Variants in GYPE observed in about 807,000 individuals in gnomAD.
GYPE encodes the protein glycophorin-E.
In GYPE, 8 loss-of-function variants were observed where a neutral mutation model predicts 11.6. That is an observed-to-expected ratio of 0.69 (90% CI 0.41 to 1.25). The LOEUF is 1.25. Among genes scored for constraint, GYPE ranks in the 50% most tolerant of loss-of-function variants. The pLI is 0.01. For synonymous variants in GYPE, 28 were observed against 29.6 expected (o/e 0.94, Z 0.18); for missense variants, 90 against 92.8 (o/e 0.97, Z 0.12).
At chr4:143,882,665 T>G (rs1343734431) in intron 1 of GYPE, among the ~76,000 whole-genome samples, 1 of 152,176 alleles carries the variant, frequency 6.6e-6, no homozygotes, top group Non-Finnish European at 1.5e-5. Context: ...CAGCTGGAGC[T>G]CTCATCCTTC....
chr4:143,898,877 C>CTT (rs1457282558), intron 1 of GYPE, among the ~76,000 whole-genome samples: 1 of 151,446 alleles, frequency 6.6e-6, no homozygotes, highest in Admixed American at 6.6e-5. Flanking sequence ...CTTTTGTGGT[C>CTT]TTTTTCCTAG....
chr4:143,891,316 A>ATTTTTTTTTTTT lies in GYPE; in HGVS notation c.38-10808_38-10807insAAAAAAAAAAAA, dbSNP rs1174015133. On this transcript the variant is annotated intron_variant, in intron 1 of 3. Transcript: ENST00000358615. The stretch of plus-strand genomic sequence containing the variant: ...TCCACATGTTATTATTATTATTTTG[A>ATTTTTTTTTTTT]TTTTTTTTGTTTCTTTTTTTTTTTT... Among the ~76,000 whole-genome samples the ATTTTTTTTTTTT allele has an allele frequency of 1.2e-4, 2 of 16,050 alleles. 1 individual carries two copies. The allele number at this position is 16,050 out of a possible 152,430, so 10.5% of individuals were successfully genotyped here.
At chr4:143,876,443 G>A (rs1199818800) in intron 3 of GYPE, among the ~76,000 whole-genome samples, 1 of 152,084 alleles carries the variant, frequency 6.6e-6, no homozygotes, top group Non-Finnish European at 1.5e-5. Flanking sequence ...AATACTATAA[G>A]TAGCATCTTA....
intron 1 of GYPE, among the ~76,000 whole-genome samples, chr4:143,889,726 A>G (rs1204625020): frequency 1.3e-5 from 2 of 152,164 alleles, no homozygotes; most frequent in Admixed American, 1.3e-4. Flanking sequence ...CTGTATGTCT[A>G]AGATAATAAT....
At chr4:143,900,377 G>C (rs1429561047) in intron 1 of GYPE, among the ~76,000 whole-genome samples, 1 of 122,478 alleles carries the variant, frequency 8.2e-6, no homozygotes, top group Non-Finnish European at 1.7e-5. Context: ...GTGGAAAAGA[G>C]TTGAGCAGTT....
intron 1 of GYPE, among the ~76,000 whole-genome samples, chr4:143,896,556 G>T (rs1744647969): frequency 6.6e-6 from 1 of 152,168 alleles, no homozygotes. Flanking sequence ...TACATTGTTG[G>T]TGGGACTGTA....
rs538501475 is a variant in GYPE at position 143,880,093 on chromosome 4, A to C, written c.136+318T>G. The stretch of plus-strand genomic sequence containing the variant: ...CTGAGCCCGGGTCTGAGCTGAACTC[A>C]TTTTGCCCACAGACCCTCCGCACCA... On this transcript the variant is annotated intron_variant, in intron 2 of 3. Transcript: ENST00000358615. 3.3e-5 allele frequency among the ~76,000 whole-genome samples: 5 copies of C among 152,274 alleles called. No homozygotes were observed. In the East Asian group the frequency reaches 9.6e-4, roughly 29 times the overall value.
chr4:143,878,891 A>C (rs1743914015), intron 2 of GYPE, among the ~76,000 whole-genome samples: 1 of 152,242 alleles, frequency 6.6e-6, no homozygotes, highest in Admixed American at 6.5e-5. Context: ...CCCAACAAGT[A>C]TTCATGGATG....
rs1454868719 is a variant in GYPE at position 143,905,481 on chromosome 4, T to C, written c.27A>G (p.Leu9=). 1.2e-6 allele frequency: 2 copies of C among 1,613,178 alleles called. No individual in the cohort carries two copies. The highest frequency in any genetic ancestry group is 1.3e-5 in the African/African-American group (1 of 74,998). Residue 9 remains leucine, a synonymous_variant, in exon 1 of 4, where the codon TTA becomes TTG. Transcript: ENST00000358615. ...AATAAAATCACTTACCTGACAATAG[T>C]AATACAAAGATTATTTTTCCATACA... MYGKIIFV[L]LLSGIVSISA... is the part of the protein sequence containing the mutation.
intron 1 of GYPE, among the ~76,000 whole-genome samples, chr4:143,904,709 C>A (rs11735519): frequency 0.24 from 36,643 of 151,980 alleles, 5,491 homozygotes; most frequent in South Asian, 0.32. Flanking sequence ...CAACTGCCTG[C>A]CCCCTGTGTG....
chr4:143,903,868 CAG>C (rs1193749627), intron 1 of GYPE, among the ~76,000 whole-genome samples: 29 of 151,900 alleles, frequency 1.9e-4, no homozygotes, highest in African/African-American at 5.3e-4. Flanking sequence ...GTAAGTCACA[CAG>C]AGTTTTCCCA....
intron 1 of GYPE, among the ~76,000 whole-genome samples, chr4:143,891,959 A>G (rs1281517659): frequency 6.6e-6 from 1 of 152,096 alleles, no homozygotes; most frequent in Non-Finnish European, 1.5e-5. Flanking sequence ...TTTGGTTGGT[A>G]AGCTATTGAT....
chr4:143,900,377 G>A (rs1429561047), intron 1 of GYPE, among the ~76,000 whole-genome samples: 1 of 122,588 alleles, frequency 8.2e-6, no homozygotes, highest in African/African-American at 2.9e-5. Flanking sequence ...GTGGAAAAGA[G>A]TTGAGCAGTT....
chr4:143,878,544 G>A, intron 2 of GYPE: 1 of 433,966 alleles, frequency 2.3e-6, no homozygotes, highest in Non-Finnish European at 4.6e-6. Flanking sequence ...ATGCTCTTCT[G>A]TTTTAAGATT....
chr4:143,885,377 A>G (rs1396192448), intron 1 of GYPE, among the ~76,000 whole-genome samples: 1 of 152,192 alleles, frequency 6.6e-6, no homozygotes, highest in Non-Finnish European at 1.5e-5. Context: ...TTTGAGCTTT[A>G]TCAAAACAAT....
chr4:143,880,302 C>A, intron 2 of GYPE, 109 bp downstream of exon 2: 1 of 1,563,098 alleles, frequency 6.4e-7, no homozygotes, highest in African/African-American at 1.4e-5. Context: ...ACTTAGCTCG[C>A]ATTTCTCAGT....
intron 1 of GYPE, among the ~76,000 whole-genome samples, chr4:143,899,613 CA>C (rs1560951841): frequency 1.3e-5 from 2 of 151,494 alleles, no homozygotes; most frequent in African/African-American, 4.9e-5. Context: ...GATTTTGCCC[CA>C]AGAACAGACA....
At chr4:143,880,559 G>T in intron 1 of GYPE, 50 bp from the exon 2 acceptor site, 1 of 1,612,600 alleles carries the variant, frequency 6.2e-7, no homozygotes, top group East Asian at 2.2e-5. Flanking sequence ...GTGACTGAGC[G>T]GACCATAAAG....
intron 1 of GYPE, among the ~76,000 whole-genome samples, chr4:143,892,608 A>G (rs1214802097): frequency 1.3e-5 from 2 of 151,966 alleles, no homozygotes; most frequent in African/African-American, 2.4e-5. Context: ...GTTTCCATGT[A>G]GTTGAGCGGT....
Sources: gnomAD v4.1 joint callset for allele counts (sites outside exome capture counted in the v4.1 genomes callset) on GRCh38, gnomAD v4.1.1 for gene constraint, MANE v1.5 for transcripts, NCBI Gene and HGNC (gene_info 2026-07-23, HGNC 2026-07-21) for gene names.